ZFP14: variants seen among roughly 807,000 people sequenced by gnomAD.
ZFP14 encodes ZFP14 zinc finger protein.
In ZFP14, 22 loss-of-function variants were observed where a neutral mutation model predicts 54.5. That is an observed-to-expected ratio of 0.40 (90% CI 0.29 to 0.58). The LOEUF (loss-of-function observed/expected upper bound fraction) is 0.58, where lower values mean the gene tolerates loss of function less well. Among genes scored for constraint, ZFP14 ranks in the 20% least tolerant of loss-of-function variants. The pLI, the probability that ZFP14 is intolerant of heterozygous loss-of-function variation, is 0.39. For synonymous variants in ZFP14, 159 were observed against 204.0 expected (o/e 0.78, Z 1.88); for missense variants, 470 against 637.8 (o/e 0.74, Z 2.83).
chr19:36,355,319 G>A (rs370519409), intron 4 of ZFP14, among the ~76,000 whole-genome samples: 1 of 142,334 alleles, frequency 7.0e-6, no homozygotes, highest in Admixed American at 7.3e-5. Context: ...GCTTTTAGGA[G>A]GTAATTAAGG....
rs1263648698 is a variant in ZFP14 at position 36,353,307 on chromosome 19, C to A, written c.235+7128G>T. Among the ~76,000 whole-genome samples, 3 of 142,962 alleles carry A rather than the reference C, an allele frequency of 2.1e-5. 1 individual carries two copies. In the Admixed American group the frequency reaches 2.2e-4, roughly 10 times the overall value. 93.8% of individuals were successfully genotyped at this position (142,962 alleles called of 152,430 possible). ...CCATTCTCAGCAAAACCACTATCAT[C>A]TTCAATGTGGACAAATGAAATAGCC... On this transcript the variant is annotated intron_variant, in intron 4 of 4. Coordinates refer to ENST00000270001, the MANE Select transcript of ZFP14 (RefSeq NM_020917.3).
Position 36,364,161 on chromosome 19 carries a change from T to C in ZFP14, c.10-1923A>G, listed in dbSNP as rs150971564. ...TATTCTGATCACATCCTATTCACCC[T>C]GTTGGTGAAGAAGGGATCCCTGCCC... On this transcript the variant is annotated intron_variant, in intron 2 of 4. Coordinates refer to ENST00000270001, the MANE Select transcript of ZFP14 (RefSeq NM_020917.3). 2.4e-4 allele frequency among the ~76,000 whole-genome samples: 37 copies of C among 152,272 alleles called. 1 individual carries two copies. The East Asian group carries it at 6.8e-3, about 28-fold the overall frequency.
At chr19:36,359,881 CT>C (rs2031681319) in intron 4 of ZFP14, among the ~76,000 whole-genome samples, 4 of 152,256 alleles carry the variant, frequency 2.6e-5, no homozygotes, top group South Asian at 2.1e-4. Context: ...TTTGGAACCC[CT>C]GACCTCAAGT....
intron 2 of ZFP14, among the ~76,000 whole-genome samples, chr19:36,364,994 CTTTTTTTTTTTTTTTT>C (rs398034482): frequency 0.012 from 721 of 62,098 alleles, 13 homozygotes; most frequent in African/African-American, 0.041. Context: ...TTTTCTTTTT[CTTTTTTTTTTTTTTTT>C]TTTTTTTTTT....
rs1018625594 is a variant in ZFP14, at chr19:36,359,471, T to A, written c.235+964A>T. ...CAGTGAAACCATCTGGGGCTGGCAT[T>A]TTCTTTGTGGAAGGTTTCTGATAAT... On this transcript the variant is annotated intron_variant, in intron 4 of 4. Transcript: ENST00000270001. Among the ~76,000 whole-genome samples the A allele has an allele frequency of 2.0e-5, 3 of 152,280 alleles. No homozygotes were observed. In the East Asian group the frequency reaches 5.8e-4, roughly 29 times the overall value.
At chr19:36,360,250 A>C in intron 4 of ZFP14, 185 bp downstream of exon 4, 1 of 390,980 alleles carries the variant, frequency 2.6e-6, no homozygotes, top group South Asian at 1.1e-4. Flanking sequence ...CAAGATCAAT[A>C]GAAAGTTCCT....
intron 1 of ZFP14, among the ~76,000 whole-genome samples, chr19:36,372,233 A>G (rs1422113722): frequency 6.6e-6 from 1 of 152,054 alleles, no homozygotes; most frequent in Non-Finnish European, 1.5e-5. Flanking sequence ...TAGAAGGAAG[A>G]AAATAATAAA....
In ZFP14 at chr19:36,348,755, C is replaced by T. The variant is rs548777813; in HGVS notation, c.236-7165G>A. Among the ~76,000 whole-genome samples the T allele has an allele frequency of 8.5e-5, 13 of 152,254 alleles. No individual in the cohort carries two copies. In the East Asian group the frequency reaches 2.5e-3, roughly 29 times the overall value. The stretch of plus-strand genomic sequence containing the variant: ...GGATTTGACCCCGCCTGTGCTGCAA[C>T]CTTCTGGGACCTCCTGTAGGAAGTG... On this transcript the variant is annotated intron_variant, in intron 4 of 4. Coordinates refer to ENST00000270001, the MANE Select transcript of ZFP14 (RefSeq NM_020917.3).
At position 36,341,640 on chromosome 19, in the gene ZFP14, G is replaced by A. The variant is rs778593760; in HGVS notation, c.236-50C>T. 1.1e-5 allele frequency: 16 copies of A among 1,490,828 alleles called. No individual in the cohort carries two copies. Among genetic ancestry groups the A allele is most frequent in the Non-Finnish European group, 1.4e-5 (16 of 1,126,044 alleles). 92.3% of individuals were successfully genotyped at this position (1,490,828 alleles called of 1,614,324 possible). Reference sequence around the variant, plus strand: ...ACATACTGTTTTCCTGTTCCAGAAAGAAAAAACAAACAAACAAAAAAACCA... The same window carrying A: ...ACATACTGTTTTCCTGTTCCAGAAAAAAAAAACAAACAAACAAAAAAACCA... On this transcript the variant is annotated intron_variant, in intron 4 of 4. Coordinates refer to ENST00000270001, the MANE Select transcript of ZFP14 (RefSeq NM_020917.3). This position sits in a 1 kb window ranked among gnomAD's most constrained non-coding sequence, Gnocchi z 4.2.
Position 36,341,687 on chromosome 19 carries a change from T to TA in ZFP14, c.236-98dup. The TA allele has an allele frequency of 1.7e-6, 2 of 1,147,238 alleles. No individual in the cohort carries two copies. 71.1% of individuals were successfully genotyped at this position (1,147,238 alleles called of 1,614,324 possible). A position where few individuals can be genotyped will look rare whatever the true frequency, so the allele number is the denominator to read the frequency against. On this transcript the variant is annotated intron_variant, in intron 4 of 4. Coordinates refer to ENST00000270001, the MANE Select transcript of ZFP14 (RefSeq NM_020917.3). This position sits in a 1 kb window ranked among gnomAD's most constrained non-coding sequence, Gnocchi z 4.2. ...ACCACTTCTATAGAGAAAAGGCACCTAAAATAATGCCTGTTACAAATTGAA... is the reference window on the plus strand; with the variant it reads ...ACCACTTCTATAGAGAAAAGGCACCTAAAAATAATGCCTGTTACAAATTGAA...
At chr19:36,366,396 G>A (rs962935448) in intron 2 of ZFP14, among the ~76,000 whole-genome samples, 1 of 152,106 alleles carries the variant, frequency 6.6e-6, no homozygotes, top group African/African-American at 2.4e-5. Context: ...TCGGTTCACT[G>A]TAACCTCCAC....
Position 36,340,757 on chromosome 19 carries a change from C to G in ZFP14, c.1069G>C (p.Val357Leu), listed in dbSNP as rs1293646958. ...TCACCAGTATGAATACTCTGATGAA[C>G]AGTAAGTTGTTGGCATATTCTAAAA... ...KAFRICQQLT[V>L]HQSIHTGEKP... Residue 357 changes from valine to leucine, a missense_variant, in exon 5 of 5, where the codon GTT becomes CTT. Physicochemically the swap from Val to Leu is conservative, Grantham distance 32. Transcript: ENST00000270001. This position sits in a 1 kb window ranked among gnomAD's most constrained non-coding sequence, Gnocchi z 5.4. 1.2e-6 allele frequency: 2 copies of G among 1,613,428 alleles called. No individual in the cohort carries two copies. Among genetic ancestry groups the G allele is most frequent in the East Asian group, 4.5e-5 (2 of 44,804 alleles).
chr19:36,354,373 A>AG (rs1459164303), intron 4 of ZFP14, among the ~76,000 whole-genome samples: 2 of 138,398 alleles, frequency 1.4e-5, no homozygotes, highest in African/African-American at 2.6e-5. Context: ...TCCATCTCAA[A>AG]AAAAAAAAAA....
intron 4 of ZFP14, among the ~76,000 whole-genome samples, chr19:36,350,074 T>C (rs1336663963): frequency 1.4e-5 from 2 of 139,098 alleles, no homozygotes; most frequent in East Asian, 4.3e-4. Context: ...TGAGCTGAGA[T>C]TGTGCCACTG....
At chr19:36,360,845 G>T (rs1401881841) in intron 3 of ZFP14, among the ~76,000 whole-genome samples, 1 of 152,158 alleles carries the variant, frequency 6.6e-6, no homozygotes, top group African/African-American at 2.4e-5. Context: ...ACACAGACTG[G>T]ATCCAGACTG....
intron 2 of ZFP14, among the ~76,000 whole-genome samples, chr19:36,363,262 C>T (rs1332702762): frequency 2.1e-5 from 3 of 139,922 alleles, no homozygotes; most frequent in Non-Finnish European, 4.5e-5. Context: ...GGCGTGATCT[C>T]GGCTCATTGC....
chr19:36,356,385 G>A (rs1196564737), intron 4 of ZFP14, among the ~76,000 whole-genome samples: 1 of 150,700 alleles, frequency 6.6e-6, no homozygotes, highest in Non-Finnish European at 1.5e-5. Context: ...CCGAGATCCC[G>A]CCACTGCACT....
rs1055802359 is a variant in ZFP14, at chr19:36,335,327, T to C, written c.*4897A>G. On this transcript the variant is annotated 3_prime_UTR_variant, in exon 5 of 5. Transcript: ENST00000270001. ...AGGCTTTCTGGAGGTATTTGGTGCT[T>C]GGGAAAAGAAACACTGACCTATTAG... 3 of 152,182 alleles carry C rather than the reference T, an allele frequency of 2.0e-5. No individual in the cohort carries two copies. The highest frequency in any genetic ancestry group is 4.4e-5 in the Non-Finnish European group (3 of 68,024). The allele number at this position is 152,182 out of a possible 1,614,324, so 9.4% of individuals were successfully genotyped here. A position where few individuals can be genotyped will look rare whatever the true frequency, so the allele number is the denominator to read the frequency against.
intron 4 of ZFP14, among the ~76,000 whole-genome samples, chr19:36,344,610 G>A (rs918539002): frequency 3.9e-5 from 6 of 152,066 alleles, no homozygotes; most frequent in African/African-American, 9.7e-5. Context: ...GTTGGGAACC[G>A]GGCTGCACAG....
Sources: gnomAD v4.1 joint callset for allele counts (sites outside exome capture counted in the v4.1 genomes callset) on GRCh38, gnomAD v4.1.1 for gene constraint, Gnocchi (gnomAD v3.1) non-coding constraint, MANE v1.5 for transcripts, NCBI Gene and HGNC (gene_info 2026-07-23, HGNC 2026-07-21) for gene names.